Variants in NPAS3 observed in about 807,000 individuals in gnomAD.
The protein encoded by NPAS3 is neuronal PAS domain-containing protein 3.
Under a neutral mutation model 73.1 loss-of-function variants are expected in NPAS3, and 14 were observed. The observed-to-expected ratio is 0.19, with a 90% CI of 0.13 to 0.30. NPAS3 has a LOEUF of 0.30. Ranked by LOEUF, NPAS3 falls within the 10% of genes least tolerant of loss-of-function variation. The probability of loss-of-function intolerance (pLI) is 1.00; values close to 1 mark genes in which losing one functional copy is unlikely to be tolerated. For synonymous variants in NPAS3, 620 were observed against 541.5 expected, an observed-to-expected ratio of 1.14 and a Z score of -2.01; for missense variants, 1,096 against 1,250.0, an observed-to-expected ratio of 0.88 and a Z score of 1.86.
In NPAS3 at chr14:33,229,501, A is replaced by G. The variant is rs543440295; in HGVS notation, c.385+14075A>G. On this transcript the variant is annotated intron_variant, in intron 3 of 11. Coordinates refer to ENST00000356141, the Ensembl canonical transcript of NPAS3. ...CGTGCTCACCTTCCCGCCCGCTCAC[A>G]TGCATCTCACTTAAAGCCTGTATTT... 8.5e-5 allele frequency among the ~76,000 whole-genome samples: 13 copies of G among 152,328 alleles called. No homozygotes were observed. In the South Asian group the frequency reaches 2.5e-3, roughly 29 times the overall value.
chr14:33,612,800 CAT>C (rs1169944380), intron 5 of NPAS3, among the ~76,000 whole-genome samples: 4 of 152,154 alleles, frequency 2.6e-5, no homozygotes, highest in South Asian at 2.1e-4. Context: ...CCCATAGAAA[CAT>C]GTGTATCCTA....
chr14:32,971,442 T>G (rs2037421383), intron 1 of NPAS3, among the ~76,000 whole-genome samples: 1 of 152,154 alleles, frequency 6.6e-6, no homozygotes, highest in South Asian at 2.1e-4. Context: ...AAGATAGTTT[T>G]TAAGGCATCT....
chr14:33,724,502 C>T (rs551537508), intron 6 of NPAS3, among the ~76,000 whole-genome samples: 98 of 152,120 alleles, frequency 6.4e-4, no homozygotes, highest in African/African-American at 2.0e-3. Context: ...GGCGTGGTGG[C>T]GCCCACCTGT....
intron 1 of NPAS3, among the ~76,000 whole-genome samples, chr14:33,020,506 A>G (rs1424259873): frequency 1.3e-5 from 2 of 152,236 alleles, no homozygotes; most frequent in African/African-American, 2.4e-5. Context: ...GCACATTTTA[A>G]GCACTCGATA....
chr14:33,362,083 G>A (rs754104375), intron 3 of NPAS3, among the ~76,000 whole-genome samples: 2 of 152,044 alleles, frequency 1.3e-5, no homozygotes, highest in Admixed American at 6.5e-5. Flanking sequence ...CATATTGCAC[G>A]AAAACTTCAC....
At chr14:33,453,519 A>G (rs2049894672) in intron 4 of NPAS3, among the ~76,000 whole-genome samples, 1 of 152,138 alleles carries the variant, frequency 6.6e-6, no homozygotes. Context: ...AAGAAACCAG[A>G]ACTGTTCTAT....
At chr14:33,295,747 TC>T in intron 3 of NPAS3, among the ~76,000 whole-genome samples, 1 of 152,342 alleles carries the variant, frequency 6.6e-6, no homozygotes, top group East Asian at 1.9e-4. Context: ...AGGAGTTATA[TC>T]GGTTCAAACA....
At chr14:33,315,418 A>T (rs1326947073) in intron 3 of NPAS3, among the ~76,000 whole-genome samples, 1 of 151,844 alleles carries the variant, frequency 6.6e-6, no homozygotes, top group Non-Finnish European at 1.5e-5. Context: ...TATGGTGGGA[A>T]TGTTAGATGG....
intron 3 of NPAS3, among the ~76,000 whole-genome samples, chr14:33,304,033 A>G (rs2042660286): frequency 6.6e-6 from 1 of 152,114 alleles, no homozygotes; most frequent in Non-Finnish European, 1.5e-5. Context: ...TCAGCCTCCC[A>G]AGTAGCTGGG....
intron 1 of NPAS3, among the ~76,000 whole-genome samples, chr14:33,016,375 G>A (rs542151827): frequency 8.7e-5 from 13 of 150,160 alleles, no homozygotes; most frequent in Middle Eastern, 3.4e-3. Flanking sequence ...AAAAGACTGC[G>A]TGGTATTTAG....
rs559816258 is a variant in NPAS3, at chr14:33,651,681, GATA to G, written c.559-24523_559-24521del. Among the ~76,000 whole-genome samples, 499 of 152,048 alleles carry G rather than the reference GATA, an allele frequency of 3.3e-3. 4 individuals are homozygous for G. Among genetic ancestry groups the G allele is most frequent in the African/African-American group, 0.012 (478 of 41,478 alleles). ...CTGTTTCCTCTATTTGTACATTAAGGATAATAATACCCCCTTTCTATAAGGTCA... is the reference window on the plus strand; with the variant it reads ...CTGTTTCCTCTATTTGTACATTAAGGATAATACCCCCTTTCTATAAGGTCA... On this transcript the variant is annotated intron_variant, in intron 5 of 11. Transcript: ENST00000356141.
At position 33,104,233 on chromosome 14, in the gene NPAS3, T is replaced by C. The variant is rs1334513243; in HGVS notation, c.140+48239T>C. 2.6e-5 allele frequency among the ~76,000 whole-genome samples: 4 copies of C among 152,244 alleles called. No individual in the cohort carries two copies. The East Asian group carries it at 7.7e-4, about 29-fold the overall frequency. ...CAAGGTCCTTGAGTATAAAGTAGAG[T>C]TGAGCATTGCAGTATGGCTTTAGTA... On this transcript the variant is annotated intron_variant, in intron 2 of 11. Coordinates refer to ENST00000356141, the Ensembl canonical transcript of NPAS3.
chr14:33,672,593 A>C lies in NPAS3; in HGVS notation c.559-3618A>C, dbSNP rs2059641041. On this transcript the variant is annotated intron_variant, in intron 5 of 11. Coordinates refer to ENST00000356141, the Ensembl canonical transcript of NPAS3. ...AACATGAAGTAATGTCTGTTCATCA[A>C]GCAAAAAATTCTCCGTCTTGCTGTC... 2.6e-5 allele frequency among the ~76,000 whole-genome samples: 4 copies of C among 152,182 alleles called. No homozygotes were observed. The South Asian group carries it at 8.3e-4, about 32-fold the overall frequency.
intron 3 of NPAS3, among the ~76,000 whole-genome samples, chr14:33,314,072 G>A (rs536663116): frequency 1.8e-4 from 27 of 152,072 alleles, no homozygotes; most frequent in Non-Finnish European, 3.5e-4. Context: ...ATTATGTATG[G>A]TGATGGTGTT....
chr14:33,734,205 T>C (rs73258985), intron 6 of NPAS3, among the ~76,000 whole-genome samples: 4,613 of 152,294 alleles, frequency 0.03, 247 homozygotes, highest in African/African-American at 0.11. Flanking sequence ...ACAATTTTTT[T>C]TTTACTTTTG....
chr14:32,964,388 G>A (rs2139251311), intron 1 of NPAS3, among the ~76,000 whole-genome samples: 1 of 152,164 alleles, frequency 6.6e-6, no homozygotes, highest in South Asian at 2.1e-4. Flanking sequence ...TGCAGTCTAT[G>A]TCTCCTGAAT....
At chr14:33,221,395 A>T in intron 3 of NPAS3, among the ~76,000 whole-genome samples, 1 of 152,200 alleles carries the variant, frequency 6.6e-6, no homozygotes, top group East Asian at 1.9e-4. Context: ...GAAGAACATG[A>T]ATCTGTAATT....
chr14:33,500,947 C>T (rs762979959), intron 4 of NPAS3, among the ~76,000 whole-genome samples: 4 of 151,906 alleles, frequency 2.6e-5, no homozygotes, highest in African/African-American at 4.8e-5. Flanking sequence ...AATAGGCTTC[C>T]TTGCTAATTA....
chr14:32,971,175 C>G (rs978430895), intron 1 of NPAS3, among the ~76,000 whole-genome samples: 3 of 151,266 alleles, frequency 2.0e-5, no homozygotes, highest in Admixed American at 6.6e-5. Context: ...ACCTCTGCCT[C>G]CCAGGTTCAG....
Sources: allele counts gnomAD v4.1 joint callset (sites outside exome capture counted in the v4.1 genomes callset), GRCh38; gene constraint gnomAD v4.1.1; transcripts MANE v1.5; gene names NCBI Gene and HGNC (gene_info 2026-07-23, HGNC 2026-07-21).